The following PDGFD variants were observed in gnomAD, a reference collection of about 807,000 sequenced individuals.
The protein encoded by PDGFD is platelet derived growth factor D, also known as platelet-derived growth factor D.
In PDGFD, 30 loss-of-function variants were observed where a neutral mutation model predicts 44.7. The ratio of observed to expected loss-of-function variants is 0.67; its 90% confidence interval spans 0.50 to 0.91. The LOEUF (loss-of-function observed/expected upper bound fraction) is 0.91, where lower values mean the gene tolerates loss of function less well. Among genes scored for constraint, PDGFD ranks in the 40% least tolerant of loss-of-function variants. The pLI, the probability that PDGFD is intolerant of heterozygous loss-of-function variation, is 0.00. For synonymous variants in PDGFD, 173 were observed against 168.4 expected (o/e 1.03, Z -0.21); for missense variants, 445 against 457.8 (o/e 0.97, Z 0.25).
intron 1 of PDGFD, among the ~76,000 whole-genome samples, chr11:104,108,856 G>T (rs1366261020): frequency 1.3e-5 from 2 of 152,102 alleles, no homozygotes; most frequent in Admixed American, 1.3e-4. Context: ...ATACACCATG[G>T]AATACTATGC....
chr11:104,000,269 C>G lies in PDGFD; in HGVS notation c.125-14G>C. 1 of 1,605,712 alleles carries G rather than the reference C, an allele frequency of 6.2e-7. No homozygotes were observed. The highest frequency in any genetic ancestry group is 2.2e-5 in the East Asian group (1 of 44,830). ...GGTGATTGCTCTCTGTTAGTAGTCACAACTTGTAGAAATTAGTATGTTGCT... is the reference window on the plus strand; with the variant it reads ...GGTGATTGCTCTCTGTTAGTAGTCAGAACTTGTAGAAATTAGTATGTTGCT... On this transcript the variant is annotated splice_polypyrimidine_tract_variant and intron_variant, in intron 1 of 6. Transcript: ENST00000393158.
At chr11:104,048,865 C>T (rs1342919784) in intron 1 of PDGFD, among the ~76,000 whole-genome samples, 1 of 152,194 alleles carries the variant, frequency 6.6e-6, no homozygotes, top group East Asian at 1.9e-4. Flanking sequence ...TTTCAAACAA[C>T]ATTTAAAATA....
intron 1 of PDGFD, among the ~76,000 whole-genome samples, chr11:104,122,907 A>C (rs361294): frequency 0.77 from 117,418 of 151,716 alleles, 46,362 homozygotes; most frequent in African/African-American, 0.94. Flanking sequence ...CAGAAAAAAA[A>C]AATTACTAGG....
intron 1 of PDGFD, among the ~76,000 whole-genome samples, chr11:104,148,457 T>C (rs899705448): frequency 6.6e-6 from 1 of 152,132 alleles, no homozygotes; most frequent in Admixed American, 6.6e-5. Context: ...AAATAGGATG[T>C]ATTGTAAGTA....
chr11:103,921,057 T>C (rs1428232293), intron 6 of PDGFD, among the ~76,000 whole-genome samples: 1 of 152,156 alleles, frequency 6.6e-6, no homozygotes, highest in Non-Finnish European at 1.5e-5. Flanking sequence ...GGTCCTCAGT[T>C]GCCCCTCCAT....
At chr11:104,003,872 C>T (rs1859658415) in intron 1 of PDGFD, among the ~76,000 whole-genome samples, 1 of 152,056 alleles carries the variant, frequency 6.6e-6, no homozygotes. Flanking sequence ...TGGCAGATGA[C>T]AGAAGGAGTG....
At chr11:103,962,884 T>C (rs569944392) in intron 3 of PDGFD, among the ~76,000 whole-genome samples, 1 of 152,188 alleles carries the variant, frequency 6.6e-6, no homozygotes, top group East Asian at 1.9e-4. Context: ...CTTTCTAACA[T>C]ATTATTTTTT....
At chr11:103,967,166 C>T (rs1221404573) in intron 3 of PDGFD, among the ~76,000 whole-genome samples, 1 of 152,188 alleles carries the variant, frequency 6.6e-6, no homozygotes, top group African/African-American at 2.4e-5. Context: ...TAAACTCATA[C>T]ACAGATACTT....
intron 5 of PDGFD, among the ~76,000 whole-genome samples, chr11:103,937,192 T>C (rs567644174): frequency 6.6e-6 from 1 of 152,312 alleles, no homozygotes; most frequent in South Asian, 2.1e-4. Context: ...GATTACTTTT[T>C]GGAGAACAAT....
At chr11:104,048,269 T>C (rs964933546) in intron 1 of PDGFD, among the ~76,000 whole-genome samples, 2 of 152,038 alleles carry the variant, frequency 1.3e-5, no homozygotes, top group African/African-American at 2.4e-5. Context: ...GAAAATTCAA[T>C]TCCAAATAGA....
chr11:104,161,531 T>C (rs867118715), intron 1 of PDGFD, among the ~76,000 whole-genome samples: 1 of 152,220 alleles, frequency 6.6e-6, no homozygotes, highest in Non-Finnish European at 1.5e-5. Flanking sequence ...TGCCAATGTT[T>C]CTCAACCATT....
intron 5 of PDGFD, 67 bp downstream of exon 5, chr11:103,943,385 G>T: frequency 2.1e-6 from 3 of 1,433,446 alleles, no homozygotes; most frequent in East Asian, 2.3e-5. Context: ...TTGGATAAGG[G>T]ATACTCAGCT....
chr11:104,107,931 G>A (rs1861493879), intron 1 of PDGFD, among the ~76,000 whole-genome samples: 1 of 152,008 alleles, frequency 6.6e-6, no homozygotes, highest in South Asian at 2.1e-4. Flanking sequence ...ATTTAACTAA[G>A]AGAAACATGT....
chr11:104,020,231 A>G (rs926168247), intron 1 of PDGFD, among the ~76,000 whole-genome samples: 3 of 152,142 alleles, frequency 2.0e-5, no homozygotes, highest in African/African-American at 4.8e-5. Context: ...GACTTCCTTG[A>G]CACTATTTCT....
intron 6 of PDGFD, among the ~76,000 whole-genome samples, chr11:103,921,418 A>C (rs1858217444): frequency 6.6e-6 from 1 of 152,152 alleles, no homozygotes. Flanking sequence ...AACATGTAAA[A>C]ACAAAGTACT....
At chr11:103,912,743 T>G (rs986408586) in intron 6 of PDGFD, among the ~76,000 whole-genome samples, 4 of 151,288 alleles carry the variant, frequency 2.6e-5, no homozygotes, top group Admixed American at 2.6e-4. Context: ...CCATCTCACA[T>G]GAAAAGACAC....
intron 3 of PDGFD, among the ~76,000 whole-genome samples, chr11:103,956,514 A>G (rs897787173): frequency 1.4e-5 from 2 of 142,346 alleles, no homozygotes; most frequent in African/African-American, 5.5e-5. Flanking sequence ...TAGTACCACA[A>G]TAAACATACG....
intron 1 of PDGFD, among the ~76,000 whole-genome samples, chr11:104,014,339 T>C (rs1446316083): frequency 1.3e-5 from 2 of 151,996 alleles, no homozygotes; most frequent in African/African-American, 4.8e-5. Flanking sequence ...CTACTAAAAA[T>C]AAAAAGATTA....
chr11:103,971,549 G>A (rs1859101983), intron 3 of PDGFD, among the ~76,000 whole-genome samples: 1 of 151,808 alleles, frequency 6.6e-6, no homozygotes, highest in Non-Finnish European at 1.5e-5. Flanking sequence ...TGTATACAGA[G>A]AAGAACTATC....
Sources: allele counts gnomAD v4.1 joint callset (sites outside exome capture counted in the v4.1 genomes callset), GRCh38; gene constraint gnomAD v4.1.1; transcripts MANE v1.5; gene names NCBI Gene and HGNC (gene_info 2026-07-23, HGNC 2026-07-21).